SAMMSON: variants seen among roughly 807,000 people sequenced by gnomAD.
The protein encoded by SAMMSON is survival associated mitochondrial melanoma specific oncogenic non-coding RNA, also known as long intergenic non-protein coding RNA 1212.
chr3:70,109,301 A>T (rs1489113365), intron 4 of SAMMSON, among the ~76,000 whole-genome samples: 1 of 149,758 alleles, frequency 6.7e-6, no homozygotes, highest in Non-Finnish European at 1.5e-5. Flanking sequence ...CCTAGACTGG[A>T]CTCCTACCAT....
chr3:70,146,377 G>C (rs1033388401), intron 4 of SAMMSON, among the ~76,000 whole-genome samples: 1 of 151,834 alleles, frequency 6.6e-6, no homozygotes, highest in Non-Finnish European at 1.5e-5. Context: ...GAAAACTATA[G>C]GAAAATATCT....
intron 6 of SAMMSON, among the ~76,000 whole-genome samples, chr3:70,266,380 C>T (rs1205565990): frequency 6.6e-6 from 1 of 151,868 alleles, no homozygotes; most frequent in Non-Finnish European, 1.5e-5. Context: ...AACTGCTTCA[C>T]TTCTCTACTT....
chr3:70,023,258 C>T (rs1408781754), intron 3 of SAMMSON, among the ~76,000 whole-genome samples: 1 of 151,828 alleles, frequency 6.6e-6, no homozygotes, highest in South Asian at 2.1e-4. Flanking sequence ...AGATCGAGAC[C>T]ATCCTGGCTA....
At chr3:70,378,823 C>G (rs1703041786) in intron 9 of SAMMSON, among the ~76,000 whole-genome samples, 1 of 151,734 alleles carries the variant, frequency 6.6e-6, no homozygotes, top group South Asian at 2.1e-4. Context: ...TAGTAAATAA[C>G]CCACTTGTAG....
intron 4 of SAMMSON, chr3:70,126,384 G>A: frequency 1.1e-6 from 1 of 917,844 alleles, no homozygotes; most frequent in Non-Finnish European, 1.7e-6. Flanking sequence ...TGCCTTTATA[G>A]CTGCTTTTTA....
intron 2 of SAMMSON, among the ~76,000 whole-genome samples, chr3:70,409,711 A>C (rs1266400025): frequency 6.6e-6 from 1 of 152,204 alleles, no homozygotes; most frequent in South Asian, 2.1e-4. Flanking sequence ...CAATATTGTA[A>C]AAATGTACTC....
chr3:70,011,655 C>T (rs959730765), intron 1 of SAMMSON, among the ~76,000 whole-genome samples: 6 of 148,580 alleles, frequency 4.0e-5, no homozygotes, highest in African/African-American at 1.2e-4. Context: ...TAAGAAGTGT[C>T]TGAAAACTGT....
intron 7 of SAMMSON, among the ~76,000 whole-genome samples, chr3:70,307,626 C>T (rs1702414865): frequency 6.6e-6 from 1 of 152,068 alleles, no homozygotes; most frequent in Non-Finnish European, 1.5e-5. Flanking sequence ...TTCAAGGCTG[C>T]TAAATGTAGC....
At chr3:70,204,021 T>G (rs1159444816) in intron 4 of SAMMSON, among the ~76,000 whole-genome samples, 1 of 152,174 alleles carries the variant, frequency 6.6e-6, no homozygotes, top group East Asian at 1.9e-4. Flanking sequence ...GTAAAGATCC[T>G]TTTAAATTCC....
At chr3:70,337,944 T>C (rs1702678336) in intron 7 of SAMMSON, among the ~76,000 whole-genome samples, 1 of 151,842 alleles carries the variant, frequency 6.6e-6, no homozygotes, top group South Asian at 2.1e-4. Flanking sequence ...TATTTTAATT[T>C]ACAGATCCCC....
downstream of SAMMSON, among the ~76,000 whole-genome samples, chr3:70,391,272 A>G (rs938457075): frequency 6.6e-6 from 1 of 152,182 alleles, no homozygotes; most frequent in African/African-American, 2.4e-5. Context: ...GAATGGATAA[A>G]TGAGTAGAAT....
At chr3:70,360,053 T>C (rs1237427671) in intron 9 of SAMMSON, among the ~76,000 whole-genome samples, 1 of 152,192 alleles carries the variant, frequency 6.6e-6, no homozygotes, top group Non-Finnish European at 1.5e-5. Context: ...GCGCATTTGC[T>C]GATCAAAGTC....
intron 4 of SAMMSON, among the ~76,000 whole-genome samples, chr3:70,227,324 C>A (rs1701517162): frequency 6.6e-6 from 1 of 152,170 alleles, no homozygotes; most frequent in South Asian, 2.1e-4. Context: ...TGATAACAGT[C>A]TCTCTAGTTT....
At chr3:70,274,109 G>T (rs967774457) in intron 6 of SAMMSON, among the ~76,000 whole-genome samples, 1 of 151,818 alleles carries the variant, frequency 6.6e-6, no homozygotes, top group Non-Finnish European at 1.5e-5. Context: ...GCATGTGTGT[G>T]TGTGAGACTG....
At chr3:70,066,574 G>T (rs2067211035) in intron 3 of SAMMSON, among the ~76,000 whole-genome samples, 1 of 152,036 alleles carries the variant, frequency 6.6e-6, no homozygotes, top group Non-Finnish European at 1.5e-5. Flanking sequence ...AACTAAATTA[G>T]CATCATTTCC....
chr3:70,281,003 A>G (rs1298316559), intron 6 of SAMMSON, among the ~76,000 whole-genome samples: 1 of 152,202 alleles, frequency 6.6e-6, no homozygotes, highest in Non-Finnish European at 1.5e-5. Flanking sequence ...AAACTTACGT[A>G]TAAAAAAATG....
At position 70,252,148 on chromosome 3, in the gene SAMMSON, A is replaced by C. The variant is rs549261847; in HGVS notation, n.674+2478A>C. Among the ~76,000 whole-genome samples, 3 of 152,340 alleles carry C rather than the reference A, an allele frequency of 2.0e-5. No homozygotes were observed. In the East Asian group the frequency reaches 5.8e-4, roughly 29 times the overall value. ...AGATCTGAAAAGTTTTAATAAAGTT[A>C]TGAGTCATGTGTAATTGACCAATGT... is the stretch of plus-strand genomic sequence containing the variant. On this transcript the variant is annotated intron_variant and non_coding_transcript_variant, in intron 6 of 9. Coordinates refer to ENST00000642114, the Ensembl canonical transcript of SAMMSON.
rs145930511 is a variant in SAMMSON, at chr3:70,138,716, A to G, written n.507+67151A>G. Among the ~76,000 whole-genome samples the G allele has an allele frequency of 5.4e-3, 820 of 152,332 alleles. 10 individuals are homozygous for G. Among genetic ancestry groups the G allele is most frequent in the African/African-American group, 0.019 (781 of 41,572 alleles). On this transcript the variant is annotated intron_variant and non_coding_transcript_variant, in intron 4 of 9. Transcript: ENST00000642114. ...TCATCAACTTAAATGTTTAAAGTCC[A>G]AAGTCCTATCTAAATATCATCTAAA... is the stretch of plus-strand genomic sequence containing the variant.
intron 7 of SAMMSON, among the ~76,000 whole-genome samples, chr3:70,299,099 G>T (rs1702319852): frequency 6.6e-6 from 1 of 152,170 alleles, no homozygotes; most frequent in African/African-American, 2.4e-5. Context: ...ATTCCTTTGA[G>T]ATTTAAAAGC....
Sources: gnomAD v4.1 joint callset for allele counts (sites outside exome capture counted in the v4.1 genomes callset) on GRCh38, gnomAD v4.1.1 for gene constraint, MANE v1.5 for transcripts, NCBI Gene and HGNC (gene_info 2026-07-23, HGNC 2026-07-21) for gene names.